The following KCNH5 variants were observed in gnomAD, a reference collection of about 807,000 sequenced individuals.
The protein encoded by KCNH5 is potassium voltage-gated channel subfamily H member 5, also known as voltage-gated delayed rectifier potassium channel KCNH5.
A neutral mutation model predicts 96.1 loss-of-function variants in KCNH5; 46 were observed. The observed-to-expected ratio is 0.48, with a 90% confidence interval of 0.38 to 0.61. The LOEUF is 0.61. Among genes scored for constraint, KCNH5 ranks in the 20% least tolerant of loss-of-function variants. The pLI is 0.00. For missense variants in KCNH5, 907 were observed against 1,225.8 expected (o/e 0.74, Z 3.88); for synonymous variants, 439 against 449.8 (o/e 0.98, Z 0.30).
intron 10 of KCNH5, among the ~76,000 whole-genome samples, chr14:62,754,303 C>A (rs1198182354): frequency 6.6e-6 from 1 of 151,696 alleles, no homozygotes; most frequent in Non-Finnish European, 1.5e-5. Flanking sequence ...AGAAAAAAAT[C>A]ACCTATACTA....
At chr14:62,777,080 G>A (rs1250173709) in intron 10 of KCNH5, among the ~76,000 whole-genome samples, 1 of 152,184 alleles carries the variant, frequency 6.6e-6, no homozygotes, top group Non-Finnish European at 1.5e-5. Flanking sequence ...CACAATGAAT[G>A]TTCATTGCAA....
At chr14:62,878,323 T>G (rs1173786877) in intron 7 of KCNH5, among the ~76,000 whole-genome samples, 1 of 151,604 alleles carries the variant, frequency 6.6e-6, no homozygotes, top group Non-Finnish European at 1.5e-5. Context: ...ATGGTGCACA[T>G]GTACCCTAAA....
intron 4 of KCNH5, among the ~76,000 whole-genome samples, chr14:62,993,882 G>C (rs1051953474): frequency 6.6e-6 from 1 of 152,058 alleles, no homozygotes; most frequent in African/African-American, 2.4e-5. Context: ...AATGCAAACA[G>C]AGAGCTGAAT....
At chr14:62,718,991 T>C (rs1884748207) in intron 10 of KCNH5, among the ~76,000 whole-genome samples, 1 of 152,138 alleles carries the variant, frequency 6.6e-6, no homozygotes, top group Admixed American at 6.5e-5. Flanking sequence ...TTACATGCAA[T>C]GTCTTGAAAT....
chr14:62,784,676 G>A (rs1206809208), intron 9 of KCNH5, among the ~76,000 whole-genome samples: 3 of 151,994 alleles, frequency 2.0e-5, no homozygotes, highest in African/African-American at 7.2e-5. Context: ...ACAGGTAAAA[G>A]GTACTCAAAA....
intron 9 of KCNH5, among the ~76,000 whole-genome samples, chr14:62,788,230 G>A (rs527460096): frequency 2.5e-4 from 38 of 152,264 alleles, no homozygotes; most frequent in African/African-American, 7.5e-4. Context: ...CCTCATGGAT[G>A]ACTTTGAGAG....
intron 6 of KCNH5, among the ~76,000 whole-genome samples, chr14:62,974,860 T>C (rs1437758858): frequency 2.0e-5 from 3 of 152,266 alleles, no homozygotes; most frequent in East Asian, 1.9e-4. Context: ...TTAAGAGCAA[T>C]GAAGAAATAC....
At chr14:63,020,131 G>T (rs1203229534) in intron 1 of KCNH5, among the ~76,000 whole-genome samples, 1 of 152,074 alleles carries the variant, frequency 6.6e-6, no homozygotes, top group Non-Finnish European at 1.5e-5. Context: ...ATATACTGCT[G>T]CTCAATTACT....
chr14:62,950,283 C>T lies in KCNH5; in HGVS notation c.1219G>A (p.Gly407Arg). 1 of 1,614,014 alleles carries T rather than the reference C, an allele frequency of 6.2e-7. No individual in the cohort carries two copies. The highest frequency in any genetic ancestry group is 1.1e-5 in the South Asian group (1 of 91,070). Residue 407 changes from glycine (G) to arginine (R), a missense_variant, in exon 7 of 11, where the codon GGG becomes AGG. Coordinates refer to ENST00000322893, the MANE Select transcript of KCNH5 (RefSeq NM_139318.5). ...TTGCTGGGTCCTCCTTCCCATATCC[C>T]AGCACTGGTATTGTAGCGATATGGA... Reference protein sequence around the residue: ...GTPYRYNTSAGIWEGGPSKDS... With the variant: ...GTPYRYNTSARIWEGGPSKDS...
chr14:62,965,682 T>A (rs185903188), intron 6 of KCNH5, among the ~76,000 whole-genome samples: 9 of 152,142 alleles, frequency 5.9e-5, no homozygotes, highest in Non-Finnish European at 1.2e-4. Context: ...TCAAACCAAA[T>A]ACACAGTCAT....
At chr14:62,874,823 G>A (rs1200154350) in intron 7 of KCNH5, among the ~76,000 whole-genome samples, 4 of 110,732 alleles carry the variant, frequency 3.6e-5, no homozygotes, top group Non-Finnish European at 5.6e-5. Flanking sequence ...TCAACATAGT[G>A]TTGGAAGTTC....
intron 3 of KCNH5, among the ~76,000 whole-genome samples, chr14:63,005,131 C>T (rs1029421134): frequency 6.6e-6 from 1 of 152,152 alleles, no homozygotes; most frequent in Non-Finnish European, 1.5e-5. Flanking sequence ...GCTGACCATT[C>T]AGAAGGGATT....
chr14:62,939,208 C>T (rs1044308161), intron 7 of KCNH5, among the ~76,000 whole-genome samples: 5 of 152,122 alleles, frequency 3.3e-5, no homozygotes, highest in African/African-American at 1.2e-4. Context: ...TCTTAAAGCT[C>T]TCTCATCCTT....
chr14:62,741,196 A>C (rs991947144), intron 10 of KCNH5, among the ~76,000 whole-genome samples: 2 of 152,156 alleles, frequency 1.3e-5, no homozygotes, highest in Non-Finnish European at 2.9e-5. Context: ...TTCCTTAAGA[A>C]CTTTGCAAGG....
At chr14:62,773,505 T>A (rs752180172) in intron 10 of KCNH5, among the ~76,000 whole-genome samples, 2 of 152,190 alleles carry the variant, frequency 1.3e-5, no homozygotes, top group African/African-American at 2.4e-5. Context: ...TGGTCTTTTA[T>A]GTCCACAACC....
At chr14:63,006,282 C>G (rs968103601) in intron 3 of KCNH5, 84 bp downstream of exon 3, 16 of 759,342 alleles carry the variant, frequency 2.1e-5, no homozygotes, top group Non-Finnish European at 3.1e-5. Flanking sequence ...TTTACATGCT[C>G]TCTACATTTT....
intron 10 of KCNH5, among the ~76,000 whole-genome samples, chr14:62,713,689 C>T (rs546135640): frequency 5.9e-4 from 90 of 152,212 alleles, no homozygotes; most frequent in South Asian, 3.5e-3. Flanking sequence ...ATATCTTGTA[C>T]GCAAAGTATG....
At chr14:63,021,224 A>G (rs1891420241) in intron 1 of KCNH5, among the ~76,000 whole-genome samples, 1 of 151,782 alleles carries the variant, frequency 6.6e-6, no homozygotes, top group Non-Finnish European at 1.5e-5. Context: ...TCTCCCTGAA[A>G]CCCTTCCTGT....
At position 62,990,467 on chromosome 14, in the gene KCNH5, G is replaced by A. The variant is rs542443164; in HGVS notation, c.434-3280C>T. ...TTTCTTTACCTTATTTTACTTTCTT[G>A]AAGAAAAAAAATCATTTTTAAACAG... On this transcript the variant is annotated intron_variant, in intron 4 of 10. Coordinates refer to ENST00000322893, the MANE Select transcript of KCNH5 (RefSeq NM_139318.5). 2.0e-5 allele frequency among the ~76,000 whole-genome samples: 3 copies of A among 150,112 alleles called. No homozygotes were observed. In the East Asian group the frequency reaches 5.8e-4, roughly 29 times the overall value.
Sources: allele counts gnomAD v4.1 joint callset (sites outside exome capture counted in the v4.1 genomes callset), GRCh38; gene constraint gnomAD v4.1.1; transcripts MANE v1.5; gene names NCBI Gene and HGNC (gene_info 2026-07-23, HGNC 2026-07-21).